CUX1: variants seen among roughly 807,000 people sequenced by gnomAD.
CUX1 encodes the protein protein CASP.
In CUX1, 31 loss-of-function variants were observed where a neutral mutation model predicts 158.8. The ratio of observed to expected loss-of-function variants is 0.20; its 90% CI spans 0.15 to 0.26. CUX1 has a LOEUF of 0.26. Among genes scored for constraint, CUX1 ranks in the 10% least tolerant of loss-of-function variants. The pLI, the probability that CUX1 is intolerant of heterozygous loss-of-function variation, is 1.00. For missense variants in CUX1, 1,589 were observed against 2,014.6 expected (o/e 0.79, Z 4.04); for synonymous variants, 879 against 862.1 (o/e 1.02, Z -0.34).
chr7:101,869,975 CT>C lies in CUX1; in HGVS notation c.31-46139del, dbSNP rs1798316178. Among the ~76,000 whole-genome samples the C allele has an allele frequency of 1.3e-5, 2 of 151,892 alleles. No homozygotes were observed. The highest frequency in any genetic ancestry group is 2.1e-4 in the South Asian group (1 of 4,816). On this transcript the variant is annotated intron_variant, in intron 1 of 23. Coordinates refer to ENST00000292535, the MANE Select transcript of CUX1 (RefSeq NM_181552.4). The surrounding 1 kb of genome is among the most constrained non-coding windows in gnomAD (Gnocchi z 4.5). ...GGGAAGGCGGCTCCTCGTGCCCCCC[CT>C]CTTGTGCCTTCCCTCCCCAGTGCCT...
chr7:102,206,731 T>C (rs534699070), intron 20 of CUX1, among the ~76,000 whole-genome samples: 2 of 152,286 alleles, frequency 1.3e-5, no homozygotes, highest in Admixed American at 6.5e-5. Context: ...ACCCCGTCTC[T>C]ACTAAAGATA....
chr7:102,123,048 T>A lies in CUX1; in HGVS notation c.674+7775T>A, dbSNP rs538600425. ...AAGTTCAAGACCAGACCAGCCAACA[T>A]GGTGAAACCCCGTCTCTACTAAAAA... On this transcript the variant is annotated intron_variant, in intron 8 of 23. Transcript: ENST00000292535. Among the ~76,000 whole-genome samples, 16 of 152,088 alleles carry A rather than the reference T, an allele frequency of 1.1e-4. No homozygotes were observed. The East Asian group carries it at 3.1e-3, about 30-fold the overall frequency.
intron 21 of CUX1, chr7:102,282,688 C>T: frequency 1.2e-6 from 2 of 1,610,652 alleles, no homozygotes; most frequent in Non-Finnish European, 1.7e-6. Flanking sequence ...GAACGGGCAG[C>T]TCACCGTGTC....
chr7:102,209,036 GGCTCTGT>G (rs1796248869), intron 20 of CUX1, among the ~76,000 whole-genome samples: 1 of 152,200 alleles, frequency 6.6e-6, no homozygotes, highest in African/African-American at 2.4e-5. Context: ...GGGGGCGGAT[GGCTCTGT>G]GCTCTGTGCT....
chr7:102,220,290 G>A (rs1204660763), intron 20 of CUX1, among the ~76,000 whole-genome samples: 4 of 152,210 alleles, frequency 2.6e-5, no homozygotes, highest in African/African-American at 9.7e-5. Context: ...GAAACCGGGA[G>A]GCGGAGGTTG....
intron 2 of CUX1, among the ~76,000 whole-genome samples, chr7:102,017,751 G>A (rs1269199811): frequency 6.6e-6 from 1 of 151,670 alleles, no homozygotes; most frequent in East Asian, 2.0e-4. Context: ...GGTGGCTGAG[G>A]CATGAGAATC....
At chr7:102,024,487 C>T (rs183309255) in intron 2 of CUX1, among the ~76,000 whole-genome samples, 4 of 152,260 alleles carry the variant, frequency 2.6e-5, no homozygotes, top group African/African-American at 9.6e-5. Context: ...CCACCACGCC[C>T]AGCTTATTTT....
At chr7:102,273,319 G>C in intron 14 of CUX1, 1 of 1,597,208 alleles carries the variant, frequency 6.3e-7, no homozygotes, top group Non-Finnish European at 8.5e-7. Context: ...GGGCACCAAG[G>C]GTCCCACCAG....
At chr7:102,235,668 C>T (rs1420032191) in intron 22 of CUX1, among the ~76,000 whole-genome samples, 1 of 150,180 alleles carries the variant, frequency 6.7e-6, no homozygotes, top group Non-Finnish European at 1.5e-5. Context: ...CACCACTGCA[C>T]TCCAGCCTGG....
At chr7:102,182,573 C>T (rs1793211492) in intron 11 of CUX1, among the ~76,000 whole-genome samples, 1 of 152,192 alleles carries the variant, frequency 6.6e-6, no homozygotes, top group Non-Finnish European at 1.5e-5. Context: ...CATGGGACAT[C>T]GCTAACCTTT....
In CUX1 at chr7:101,865,628, A is replaced by G. The variant is rs574019617; in HGVS notation, c.30+47959A>G. Among the ~76,000 whole-genome samples the G allele has an allele frequency of 2.6e-5, 4 of 152,368 alleles. No individual in the cohort carries two copies. In the East Asian group the frequency reaches 5.8e-4, roughly 22 times the overall value. On this transcript the variant is annotated intron_variant, in intron 1 of 23. Transcript: ENST00000292535. The stretch of plus-strand genomic sequence containing the variant: ...GCAGCCAGCGTCCGAGCGTTTCCAC[A>G]TTCATTCTTACGCAGTTGGTAGGCT...
Position 102,248,925 on chromosome 7 carries a change from C to T in CUX1, c.4401C>T (p.Gly1467=). The T allele has an allele frequency of 1.4e-6, 2 of 1,466,972 alleles. No homozygotes were observed. Among genetic ancestry groups the T allele is most frequent in the Non-Finnish European group, 1.8e-6 (2 of 1,104,452 alleles). 90.9% of individuals were successfully genotyped at this position (1,466,972 alleles called of 1,614,324 possible). The stretch of plus-strand genomic sequence containing the variant: ...TTTTCGGCCTCCCCGAGGCCGCGGG[C>T]GCCCGGGACTCGCGCGACAACCCCC... ...QSLFGLPEAA[G]ARDSRDNPLR... The change falls in exon 24 of 24, where the codon GGC becomes GGT. Residue 1467 remains glycine, a synonymous_variant. Coordinates refer to ENST00000292535, the MANE Select transcript of CUX1 (RefSeq NM_181552.4). This position sits in a 1 kb window ranked among gnomAD's most constrained non-coding sequence, Gnocchi z 5.8.
At position 102,248,677 on chromosome 7, in the gene CUX1, G is replaced by A. The variant is rs1349024125; in HGVS notation, c.4153G>A (p.Asp1385Asn). The stretch of plus-strand genomic sequence containing the variant: ...GCCCTCGGGGACCCCGGGCCCGGAC[G>A]ACGCCCGCGACGACGACCACGAGGG... ...PPPSGTPGPD[D>N]ARDDDHEGGP... Residue 1385 changes from aspartate to asparagine, a missense_variant, in exon 24 of 24, where the codon GAC becomes AAC. By Grantham distance (23) the Asp-to-Asn change is conservative. This residue lies in a region of CUX1 where 344 missense variants were observed against 323.7 expected (regional missense o/e 1.06). Transcript: ENST00000292535. The surrounding 1 kb of genome is among the most constrained non-coding windows in gnomAD (Gnocchi z 5.8). 95 of 1,294,206 alleles carry A rather than the reference G, an allele frequency of 7.3e-5. No individual in the cohort carries two copies. The Middle Eastern group carries it at 2.7e-3, about 37-fold the overall frequency. The allele number at this position is 1,294,206 out of a possible 1,614,324, so 80.2% of individuals were successfully genotyped here.
intron 9 of CUX1, among the ~76,000 whole-genome samples, chr7:102,165,568 T>A (rs1790935807): frequency 6.6e-6 from 1 of 152,130 alleles, no homozygotes; most frequent in Non-Finnish European, 1.5e-5. Flanking sequence ...TTTCACCATG[T>A]TGACCAGGCT....
At chr7:101,887,843 ATT>A (rs554136468) in intron 1 of CUX1, among the ~76,000 whole-genome samples, 1 of 76,958 alleles carries the variant, frequency 1.3e-5, no homozygotes. Context: ...TGACGGTGAC[ATT>A]TTTTTTTTTT....
chr7:101,880,549 C>T (rs73403618), intron 1 of CUX1, among the ~76,000 whole-genome samples: 2 of 152,174 alleles, frequency 1.3e-5, no homozygotes, highest in African/African-American at 4.8e-5. Context: ...ATGATTCCCT[C>T]AATGAAATAT....
chr7:101,960,097 T>C (rs993349206), intron 2 of CUX1: 4 of 152,192 alleles, frequency 2.6e-5, no homozygotes, highest in African/African-American at 7.2e-5. Flanking sequence ...GCTTTTTTCA[T>C]CCTCGACCCA....
chr7:101,930,502 G>A (rs1017171100), intron 2 of CUX1, among the ~76,000 whole-genome samples: 8 of 152,160 alleles, frequency 5.3e-5, no homozygotes, highest in Admixed American at 3.9e-4. Context: ...GGGATGGAGC[G>A]CGTGTGGTGT....
intron 15 of CUX1, 52 bp from the exon 16 acceptor site, chr7:102,198,750 A>T: frequency 6.5e-7 from 1 of 1,531,660 alleles, no homozygotes; most frequent in Non-Finnish European, 9.1e-7. Context: ...CATATCGTCA[A>T]CACCACCATT....
Sources: allele counts gnomAD v4.1 joint callset (sites outside exome capture counted in the v4.1 genomes callset), GRCh38; gene constraint gnomAD v4.1.1; regional missense constraint gnomAD v4.1.1; non-coding constraint Gnocchi (gnomAD v3.1); transcripts MANE v1.5; gene names NCBI Gene and HGNC (gene_info 2026-07-23, HGNC 2026-07-21).